The following SYT1 variants were observed in gnomAD, a reference collection of about 807,000 sequenced individuals.
SYT1 encodes the protein synaptotagmin-1.
Under a neutral mutation model 44.8 loss-of-function variants are expected in SYT1, and 8 were observed. The ratio of observed to expected loss-of-function variants is 0.18; its 90% CI spans 0.10 to 0.32. The LOEUF is 0.32. Among genes scored for constraint, SYT1 ranks in the 10% least tolerant of loss-of-function variants. The probability of loss-of-function intolerance (pLI) is 1.00; values close to 1 mark genes in which losing one functional copy is unlikely to be tolerated. For synonymous variants in SYT1, 154 were observed against 188.8 expected (o/e 0.82, Z 1.51); for missense variants, 286 against 509.3 (o/e 0.56, Z 4.22).
At position 78,875,852 on chromosome 12, in the gene SYT1, G is replaced by A. The variant is rs116594524; in HGVS notation, c.-217+10743G>A. On this transcript the variant is annotated intron_variant, in intron 1 of 10. Transcript: ENST00000261205. ...ATTTTTATACTCCAGTTTTATCTTC[G>A]GAAGAGTAGCTGCTTTTCTTTTATT... is the stretch of plus-strand genomic sequence containing the variant. Among the ~76,000 whole-genome samples, 724 of 151,432 alleles carry A rather than the reference G, an allele frequency of 4.8e-3. 6 individuals carry two copies. Among genetic ancestry groups the A allele is most frequent in the African/African-American group, 0.016 (665 of 41,348 alleles).
At chr12:78,996,060 C>T (rs1416797809) in intron 2 of SYT1, among the ~76,000 whole-genome samples, 1 of 151,692 alleles carries the variant, frequency 6.6e-6, no homozygotes, top group Admixed American at 6.6e-5. Flanking sequence ...CCAGGTCTAT[C>T]TCCATCCAGG....
intron 5 of SYT1, among the ~76,000 whole-genome samples, chr12:79,291,245 G>T (rs894784392): frequency 6.6e-6 from 1 of 152,098 alleles, no homozygotes; most frequent in African/African-American, 2.4e-5. Context: ...AATTGATTTT[G>T]TTCTTAAATA....
intron 9 of SYT1, among the ~76,000 whole-genome samples, chr12:79,396,941 C>G (rs1884893046): frequency 6.6e-6 from 1 of 152,196 alleles, no homozygotes; most frequent in Non-Finnish European, 1.5e-5. Context: ...GTGGACTTAG[C>G]TCTGGTGAAC....
chr12:79,403,557 G>A (rs987951843), intron 9 of SYT1, among the ~76,000 whole-genome samples: 2 of 151,982 alleles, frequency 1.3e-5, no homozygotes, highest in African/African-American at 4.8e-5. Context: ...TCTCATTCTG[G>A]GGTGCTAAGG....
intron 8 of SYT1, among the ~76,000 whole-genome samples, chr12:79,339,432 A>T: frequency 6.6e-6 from 1 of 152,146 alleles, no homozygotes; most frequent in Non-Finnish European, 1.5e-5. Flanking sequence ...GATGATGAGC[A>T]TTTTTTCATG....
At chr12:79,308,610 GAAAAAGAAAGAAAGAAAGA>G (rs1880576847) in intron 8 of SYT1, among the ~76,000 whole-genome samples, 1 of 61,076 alleles carries the variant, frequency 1.6e-5, no homozygotes, top group Non-Finnish European at 3.5e-5. Flanking sequence ...AAGAAAGAAA[GAAAAAGAAAGAAAGAAAGA>G]AAGAAAGAAA....
intron 9 of SYT1, among the ~76,000 whole-genome samples, chr12:79,397,851 T>C (rs985187030): frequency 6.6e-6 from 1 of 152,216 alleles, no homozygotes; most frequent in Non-Finnish European, 1.5e-5. Context: ...CAGCTTTTCA[T>C]CCAGGAAGTT....
intron 4 of SYT1, among the ~76,000 whole-genome samples, chr12:79,285,206 T>C (rs1414916908): frequency 2.0e-5 from 3 of 152,230 alleles, no homozygotes; most frequent in African/African-American, 7.2e-5. Context: ...TGTTGTTCTA[T>C]ATATACAACT....
At chr12:78,910,456 C>A (rs1304314726) in intron 1 of SYT1, among the ~76,000 whole-genome samples, 2 of 151,864 alleles carry the variant, frequency 1.3e-5, no homozygotes, top group Non-Finnish European at 2.9e-5. Context: ...AGGGATTTTT[C>A]TGCCCTTTTA....
intron 3 of SYT1, among the ~76,000 whole-genome samples, chr12:79,148,889 G>T (rs1870089493): frequency 6.6e-6 from 1 of 152,082 alleles, no homozygotes; most frequent in Non-Finnish European, 1.5e-5. Context: ...ATTTCATGAG[G>T]ATTTTTGACC....
intron 3 of SYT1, among the ~76,000 whole-genome samples, chr12:79,136,399 T>TA (rs1340607273): frequency 1.3e-5 from 2 of 152,214 alleles, no homozygotes; most frequent in African/African-American, 2.4e-5. Context: ...GAACCCAATG[T>TA]ACTGACCCCA....
chr12:78,868,080 C>T (rs1483032179), intron 1 of SYT1, among the ~76,000 whole-genome samples: 1 of 151,830 alleles, frequency 6.6e-6, no homozygotes, highest in African/African-American at 2.4e-5. Context: ...AAAGAACACA[C>T]ACTTAATGCA....
rs371104296 is a variant in SYT1, at chr12:79,343,544, G to A, written c.811-9958G>A. Among the ~76,000 whole-genome samples the A allele has an allele frequency of 4.6e-5, 7 of 152,260 alleles. 1 individual carries two copies. The highest frequency in any genetic ancestry group is 3.3e-4 in the Admixed American group (5 of 15,284). The stretch of plus-strand genomic sequence containing the variant: ...TAGTAGGTAATAAGAAGCAGACTTG[G>A]GAATTGAACCTAAGTAGCCTGACTA... On this transcript the variant is annotated intron_variant, in intron 8 of 10. Coordinates refer to ENST00000261205, the MANE Select transcript of SYT1 (RefSeq NM_005639.3).
At chr12:79,067,733 G>A (rs543581780) in intron 3 of SYT1, among the ~76,000 whole-genome samples, 2 of 152,278 alleles carry the variant, frequency 1.3e-5, no homozygotes, top group African/African-American at 4.8e-5. Flanking sequence ...AGGCAGATGA[G>A]AGAAGTCGGG....
chr12:79,333,579 A>G (rs986550085), intron 8 of SYT1, among the ~76,000 whole-genome samples: 24 of 152,174 alleles, frequency 1.6e-4, no homozygotes, highest in African/African-American at 5.6e-4. Context: ...CTAAATCTAA[A>G]GAGGGTTTTT....
At chr12:79,394,472 A>C (rs1884794230) in intron 9 of SYT1, among the ~76,000 whole-genome samples, 1 of 152,210 alleles carries the variant, frequency 6.6e-6, no homozygotes, top group Non-Finnish European at 1.5e-5. Flanking sequence ...ACAGCATATA[A>C]AACAGTCCTC....
At chr12:79,166,679 A>G (rs1226228153) in intron 3 of SYT1, among the ~76,000 whole-genome samples, 1 of 152,026 alleles carries the variant, frequency 6.6e-6, no homozygotes, top group Non-Finnish European at 1.5e-5. Context: ...TGACATCAAA[A>G]TAGGTATAAA....
At chr12:79,426,042 G>T (rs1869426509) in intron 9 of SYT1, among the ~76,000 whole-genome samples, 1 of 151,296 alleles carries the variant, frequency 6.6e-6, no homozygotes, top group Non-Finnish European at 1.5e-5. Context: ...AAAAAGTTGT[G>T]AGTTGTTTGA....
chr12:79,450,158 T>TTTA lies in SYT1; in HGVS notation c.*1039_*1041dup, dbSNP rs1209675626. 1 of 152,578 alleles carries TTTA rather than the reference T, an allele frequency of 6.6e-6. No individual in the cohort carries two copies. Among genetic ancestry groups the TTTA allele is most frequent in the Non-Finnish European group, 1.5e-5 (1 of 68,030 alleles). 9.5% of individuals were successfully genotyped at this position (152,578 alleles called of 1,614,324 possible). On this transcript the variant is annotated 3_prime_UTR_variant, in exon 11 of 11. Coordinates refer to ENST00000261205, the MANE Select transcript of SYT1 (RefSeq NM_005639.3). The stretch of plus-strand genomic sequence containing the variant: ...CACATTAGAGTTTGTAACAAAATAT[T>TTTA]TTATTATATAAAACCAGGTTAGAAG...
Sources: gnomAD v4.1 joint callset for allele counts (sites outside exome capture counted in the v4.1 genomes callset) on GRCh38, gnomAD v4.1.1 for gene constraint, MANE v1.5 for transcripts, NCBI Gene and HGNC (gene_info 2026-07-23, HGNC 2026-07-21) for gene names.